The following BBC3 variants were observed in gnomAD, a reference collection of about 807,000 sequenced individuals.
The protein encoded by BBC3 is bcl-2-binding component 3.
BBC3 carries 5 observed loss-of-function variants against 18.2 expected under a neutral mutation model. The observed-to-expected ratio is 0.27, with a 90% CI of 0.14 to 0.58. The LOEUF is 0.58. Ranked by LOEUF, BBC3 falls within the 20% of genes least tolerant of loss-of-function variation. The pLI is 0.91. For synonymous variants in BBC3, 119 were observed against 128.0 expected (o/e 0.93, Z 0.47); for missense variants, 224 against 268.9 (o/e 0.83, Z 1.17).
rs1007190610 is a variant in BBC3 at position 47,230,670 on chromosome 19, G to A, written c.-16+259C>T. 1.0e-6 allele frequency: 1 copy of A among 953,024 alleles called. No individual in the cohort carries two copies. The highest frequency in any genetic ancestry group is 1.8e-5 in the African/African-American group (1 of 56,546). The allele number at this position is 953,024 out of a possible 1,614,324, so 59.0% of individuals were successfully genotyped here. ...GCCGCACTGGCCGCCAGGGGGCGCT[G>A]CCGAGCCCGCACCCCATTGTTTGTA... On this transcript the variant is annotated intron_variant, in intron 1 of 3. Coordinates refer to ENST00000439096, the MANE Select transcript of BBC3 (RefSeq NM_014417.5). This position sits in a 1 kb window ranked among gnomAD's most constrained non-coding sequence, Gnocchi z 6.7.
chr19:47,224,459 C>CA (rs1050204366), intron 3 of BBC3, among the ~76,000 whole-genome samples: 32 of 151,682 alleles, frequency 2.1e-4, no homozygotes, highest in African/African-American at 6.3e-4. Context: ...CTGATCTCTA[C>CA]AAAAAAATAA....
At chr19:47,227,012 G>A (rs996745623) in intron 2 of BBC3, 8 of 374,504 alleles carry the variant, frequency 2.1e-5, no homozygotes, top group Non-Finnish European at 3.9e-5. Flanking sequence ...GGCCAGAGAG[G>A]TGACCCCGGG....
chr19:47,228,301 AGGCCG>A lies in BBC3; in HGVS notation c.126_130del (p.Leu44CysfsTer183). The A allele has an allele frequency of 8.2e-7, 1 of 1,221,636 alleles. No individual in the cohort carries two copies. The highest frequency in any genetic ancestry group is 1.0e-6 in the Non-Finnish European group (1 of 981,718). The allele number at this position is 1,221,636 out of a possible 1,614,324, so 75.7% of individuals were successfully genotyped here. On this transcript the variant is annotated frameshift_variant, in exon 2 of 4. Coordinates refer to ENST00000439096, the MANE Select transcript of BBC3 (RefSeq NM_014417.5). LOFTEE classifies it high-confidence loss of function. The surrounding 1 kb of genome is among the most constrained non-coding windows in gnomAD (Gnocchi z 5.5). The stretch of plus-strand genomic sequence containing the variant: ...GGTGGGGGCGGCGGGGGCGGCAGCC[AGGCCG>A]GGCTCGCAGAGGCCGCAGGACACTG...
chr19:47,226,155 A>C lies in BBC3; in HGVS notation c.465+409T>G, dbSNP rs558699200. Among the ~76,000 whole-genome samples the C allele has an allele frequency of 2.8e-3, 431 of 151,568 alleles. 2 individuals are homozygous for C. Among genetic ancestry groups the C allele is most frequent in the African/African-American group, 9.9e-3 (407 of 41,260 alleles). Reference sequence around the variant, plus strand: ...CCCGGCCCGCCCCGGCGCCCGGGAAACTGTGTGGCGCTGCGGGCCGCGCGA... The same window carrying C: ...CCCGGCCCGCCCCGGCGCCCGGGAACCTGTGTGGCGCTGCGGGCCGCGCGA... On this transcript the variant is annotated intron_variant, in intron 3 of 3. Coordinates refer to ENST00000439096, the MANE Select transcript of BBC3 (RefSeq NM_014417.5).
chr19:47,232,467 C>G (rs973193874), upstream of BBC3: 1 of 1,491,046 alleles, frequency 6.7e-7, no homozygotes. Context: ...TTCTTGCTAA[C>G]TGGCCCACTG....
intron 1 of BBC3, among the ~76,000 whole-genome samples, chr19:47,229,931 A>C (rs1017428973): frequency 6.6e-6 from 1 of 152,118 alleles, no homozygotes; most frequent in Admixed American, 6.6e-5. Context: ...CATGCCCCGG[A>C]GATACAGAGA....
chr19:47,231,659 C>G (rs571781699), upstream of BBC3, among the ~76,000 whole-genome samples: 11 of 152,154 alleles, frequency 7.2e-5, no homozygotes, highest in Non-Finnish European at 1.5e-4. The surrounding 1 kb of genome is among the most constrained non-coding windows in gnomAD (Gnocchi z 4.0). Context: ...AGCACACACA[C>G]TCACATACTG....
chr19:47,231,146 TGCCGCCGCC>T lies in BBC3; in HGVS notation c.-242_-234del. Reference sequence around the variant, plus strand: ...TCGTGGCCGCTGCTGGGATCGCTGGTGCCGCCGCCGCCGCCGCCAGGCGCCCGCTCGCAT... The same window carrying T: ...TCGTGGCCGCTGCTGGGATCGCTGGTGCCGCCGCCAGGCGCCCGCTCGCAT... On this transcript the variant is annotated 5_prime_UTR_variant, in exon 1 of 4. Transcript: ENST00000439096. The surrounding 1 kb of genome is among the most constrained non-coding windows in gnomAD (Gnocchi z 4.0). 1 of 984,012 alleles carries T rather than the reference TGCCGCCGCC, an allele frequency of 1.0e-6. No individual in the cohort carries two copies. 61.0% of individuals were successfully genotyped at this position (984,012 alleles called of 1,614,324 possible).
At chr19:47,223,570 A>G (rs1048702814) in intron 3 of BBC3, among the ~76,000 whole-genome samples, 5 of 152,280 alleles carry the variant, frequency 3.3e-5, no homozygotes, top group African/African-American at 1.2e-4. Context: ...CCGTGTCAAA[A>G]AAAAAATTTT....
chr19:47,232,675 T>G, upstream of BBC3: 1 of 1,398,342 alleles, frequency 7.2e-7, no homozygotes, highest in Non-Finnish European at 9.8e-7. Context: ...TCTGGTTTGG[T>G]GAGTTTTGTC....
Position 47,228,097 on chromosome 19 carries a change from C to G in BBC3, c.274+61G>C. 8.4e-7 allele frequency: 1 copy of G among 1,187,610 alleles called. No individual in the cohort carries two copies. Among genetic ancestry groups the G allele is most frequent in the Non-Finnish European group, 1.1e-6 (1 of 950,626 alleles). 73.6% of individuals were successfully genotyped at this position (1,187,610 alleles called of 1,614,324 possible). A position where few individuals can be genotyped will look rare whatever the true frequency, so the allele number is the denominator to read the frequency against. ...TCCTCTCCCACTTCTCCAGTTCCTC[C>G]GAGTCTCCAGCCCTCTCTCTTCCCG... On this transcript the variant is annotated intron_variant, in intron 2 of 3. Transcript: ENST00000439096. This position sits in a 1 kb window ranked among gnomAD's most constrained non-coding sequence, Gnocchi z 5.5.
chr19:47,225,089 T>C (rs1038034052), intron 3 of BBC3, among the ~76,000 whole-genome samples: 2 of 152,186 alleles, frequency 1.3e-5, no homozygotes, highest in African/African-American at 2.4e-5. Flanking sequence ...TTTTGTATTT[T>C]TAGTAGAGAC....
At chr19:47,231,318 G>A, upstream of BBC3, 1 of 614,982 alleles carries the variant, frequency 1.6e-6, no homozygotes, top group Non-Finnish European at 2.0e-6. The surrounding 1 kb of genome is among the most constrained non-coding windows in gnomAD (Gnocchi z 4.0). Context: ...CCCGCCCGCC[G>A]CGGACAAGTC....
upstream of BBC3, chr19:47,232,487 C>T (rs937044369): frequency 2.0e-5 from 30 of 1,536,028 alleles, no homozygotes; most frequent in Middle Eastern, 1.7e-4. Context: ...GCACACACGT[C>T]GGAGCATGCA....
chr19:47,229,782 A>G (rs758485252), intron 1 of BBC3, among the ~76,000 whole-genome samples: 5 of 151,730 alleles, frequency 3.3e-5, no homozygotes, highest in Non-Finnish European at 5.9e-5. Flanking sequence ...ACACAAGCCA[A>G]ACCCAGACTG....
chr19:47,228,572 C>T lies in BBC3; in HGVS notation c.-15-126G>A, dbSNP rs3810294. On this transcript the variant is annotated intron_variant, in intron 1 of 3. Transcript: ENST00000439096. The surrounding 1 kb of genome is among the most constrained non-coding windows in gnomAD (Gnocchi z 5.5). Reference sequence around the variant, plus strand: ...GTGTGTGTGCATGCGGAGGGGGTGACGGCCCCACAGAGACACGCCCAGCCG... The same window carrying T: ...GTGTGTGTGCATGCGGAGGGGGTGATGGCCCCACAGAGACACGCCCAGCCG... 126,969 of 980,766 alleles carry T rather than the reference C, an allele frequency of 0.13. 8,462 individuals carry two copies. Among genetic ancestry groups the T allele is most frequent in the Admixed American group, 0.21 (4,749 of 23,090 alleles). 60.8% of individuals were successfully genotyped at this position (980,766 alleles called of 1,614,324 possible).
chr19:47,221,654 C>T lies in BBC3; in HGVS notation c.*148G>A, dbSNP rs2123352575. 1.3e-6 allele frequency: 2 copies of T among 1,499,534 alleles called. No individual in the cohort carries two copies. Among genetic ancestry groups the T allele is most frequent in the Non-Finnish European group, 1.8e-6 (2 of 1,122,808 alleles). 92.9% of individuals were successfully genotyped at this position (1,499,534 alleles called of 1,614,324 possible). On this transcript the variant is annotated 3_prime_UTR_variant, in exon 4 of 4. Transcript: ENST00000439096. ...CCAGGCTGGGCTGGGGCTGGAGTGG[C>T]TGCCCCGGCCCGCCCCCGGGACAGG...
chr19:47,228,097 C>T lies in BBC3; in HGVS notation c.274+61G>A. On this transcript the variant is annotated intron_variant, in intron 2 of 3. Coordinates refer to ENST00000439096, the MANE Select transcript of BBC3 (RefSeq NM_014417.5). The surrounding 1 kb of genome is among the most constrained non-coding windows in gnomAD (Gnocchi z 5.5). ...TCCTCTCCCACTTCTCCAGTTCCTC[C>T]GAGTCTCCAGCCCTCTCTCTTCCCG... 1 of 1,187,610 alleles carries T rather than the reference C, an allele frequency of 8.4e-7. No homozygotes were observed. Among genetic ancestry groups the T allele is most frequent in the Non-Finnish European group, 1.1e-6 (1 of 950,626 alleles). The allele number at this position is 1,187,610 out of a possible 1,614,324, so 73.6% of individuals were successfully genotyped here. A position where few individuals can be genotyped will look rare whatever the true frequency, so the allele number is the denominator to read the frequency against.
At position 47,226,548 on chromosome 19, in the gene BBC3, C is replaced by A; in HGVS notation, c.465+16G>T. The A allele has an allele frequency of 6.6e-7, 1 of 1,519,164 alleles. No homozygotes were observed. Among genetic ancestry groups the A allele is most frequent in the Non-Finnish European group, 8.8e-7 (1 of 1,133,882 alleles). 94.1% of individuals were successfully genotyped at this position (1,519,164 alleles called of 1,614,324 possible). A position where few individuals can be genotyped will look rare whatever the true frequency, so the allele number is the denominator to read the frequency against. ...CGGAAGTCCCACCTGCCGTCTACCC[C>A]ACCCCCAGCACTCACCCGCCGCTCG... On this transcript the variant is annotated intron_variant, in intron 3 of 3. Transcript: ENST00000439096.
Sources: allele counts gnomAD v4.1 joint callset (sites outside exome capture counted in the v4.1 genomes callset), GRCh38; gene constraint gnomAD v4.1.1; non-coding constraint Gnocchi (gnomAD v3.1); transcripts MANE v1.5; gene names NCBI Gene and HGNC (gene_info 2026-07-23, HGNC 2026-07-21).